The following MACF1 variants were observed in gnomAD, a reference collection of about 807,000 sequenced individuals.
MACF1 encodes the protein microtubule actin crosslinking factor 1.
A neutral mutation model predicts 854.8 loss-of-function variants in MACF1; 193 were observed. That is an observed-to-expected ratio of 0.23 (90% CI 0.20 to 0.25). MACF1 has a LOEUF of 0.25. Among genes scored for constraint, MACF1 ranks in the 10% least tolerant of loss-of-function variants. The pLI is 1.00. For synonymous variants in MACF1, 3,185 were observed against 3,226.7 expected (o/e 0.99, Z 0.44); for missense variants, 7,722 against 8,929.1 (o/e 0.86, Z 5.45).
At chr1:39,479,237 C>T in intron 97 of MACF1, among the ~76,000 whole-genome samples, 1 of 152,130 alleles carries the variant, frequency 6.6e-6, no homozygotes, top group East Asian at 1.9e-4. Flanking sequence ...TTTCTCTCTC[C>T]CCACCGACAT....
At chr1:39,114,680 A>T (rs533932518) in intron 2 of MACF1, among the ~76,000 whole-genome samples, 3 of 152,346 alleles carry the variant, frequency 2.0e-5, no homozygotes, top group African/African-American at 7.2e-5. Context: ...ATGTGCTGAG[A>T]AGACAAAGAT....
chr1:39,323,243 G>A (rs1423561603), intron 33 of MACF1, among the ~76,000 whole-genome samples: 2 of 152,090 alleles, frequency 1.3e-5, no homozygotes, highest in Non-Finnish European at 2.9e-5. Context: ...TTGGGAGGCT[G>A]AGGTGGAAGG....
At chr1:39,138,546 C>T (rs1330412079) in intron 2 of MACF1, among the ~76,000 whole-genome samples, 1 of 150,752 alleles carries the variant, frequency 6.6e-6, no homozygotes, top group Non-Finnish European at 1.5e-5. Flanking sequence ...GATCGCGCCA[C>T]TGCACTCCAG....
intron 77 of MACF1, 33 bp from the exon 78 acceptor site, chr1:39,442,681 T>C (rs758279232): frequency 7.4e-6 from 12 of 1,611,652 alleles, no homozygotes; most frequent in African/African-American, 4.0e-5. Flanking sequence ...ATGATATCCA[T>C]AGAGATAAAT....
chr1:39,280,128 C>T (rs1399329422), intron 6 of MACF1, among the ~76,000 whole-genome samples: 1 of 152,012 alleles, frequency 6.6e-6, no homozygotes, highest in Non-Finnish European at 1.5e-5. Context: ...GAACTCCTGA[C>T]CTCAGGTGAT....
At chr1:39,303,130 T>C in intron 23 of MACF1, 52 bp downstream of exon 23, 1 of 1,593,926 alleles carries the variant, frequency 6.3e-7, no homozygotes, top group East Asian at 2.2e-5. Flanking sequence ...TTGGCCTCGG[T>C]GAACCAGTGG....
intron 38 of MACF1, among the ~76,000 whole-genome samples, chr1:39,338,195 T>C (rs1646858682): frequency 6.6e-6 from 1 of 152,010 alleles, no homozygotes; most frequent in East Asian, 1.9e-4. Context: ...AGATTAGATA[T>C]GTAAGTTAAT....
chr1:39,277,141 AG>A (rs1169279473), intron 6 of MACF1, among the ~76,000 whole-genome samples: 1 of 126,396 alleles, frequency 7.9e-6, no homozygotes, highest in Non-Finnish European at 1.7e-5. Context: ...AAATAAACAC[AG>A]CAGAATGAAT....
chr1:39,168,078 G>A (rs1160578406), intron 2 of MACF1, among the ~76,000 whole-genome samples: 2 of 152,132 alleles, frequency 1.3e-5, no homozygotes, highest in East Asian at 3.9e-4. Context: ...TAGCTGAAGA[G>A]TAGTGACCCA....
chr1:39,453,628 T>G lies in MACF1; in HGVS notation c.20743-79T>G, dbSNP rs191666750. The G allele has an allele frequency of 1.2e-3, 1,561 of 1,261,538 alleles. 13 individuals carry two copies. Among genetic ancestry groups the G allele is most frequent in the Non-Finnish European group, 3.2e-4 (282 of 870,564 alleles). 78.1% of individuals were successfully genotyped at this position (1,261,538 alleles called of 1,614,324 possible). ...TGGAGGAAAAAGAAAACATTGAAAT[T>G]TATCCCCCCTCAGTGTAAACTAACA... On this transcript the variant is annotated intron_variant, in intron 87 of 100. Transcript: ENST00000564288.
intron 21 of MACF1, chr1:39,298,778 C>G (rs990983851): frequency 2.4e-5 from 9 of 370,274 alleles, no homozygotes; most frequent in Non-Finnish European, 2.6e-5. Context: ...TAAAATGTCT[C>G]TCTCAGAGGT....
intron 36 of MACF1, 130 bp from the exon 37 acceptor site, chr1:39,331,073 A>G: frequency 7.6e-7 from 1 of 1,311,300 alleles, no homozygotes; most frequent in Non-Finnish European, 1.0e-6. Flanking sequence ...GGCGTGAGCC[A>G]CTGTGCCTGG....
At chr1:39,476,344 G>A (rs1433338757) in intron 97 of MACF1, among the ~76,000 whole-genome samples, 1 of 152,182 alleles carries the variant, frequency 6.6e-6, no homozygotes, top group Non-Finnish European at 1.5e-5. Context: ...GCCGAGGCGG[G>A]CAGATCACGA....
At chr1:39,359,864 G>A (rs1245962783) in intron 47 of MACF1, among the ~76,000 whole-genome samples, 5 of 149,998 alleles carry the variant, frequency 3.3e-5, no homozygotes, top group South Asian at 2.1e-4. Flanking sequence ...GCAGGCGCCT[G>A]TAATCCCAGC....
rs899455324 is a variant in MACF1, at chr1:39,193,779, TAA to T, written c.221-37402_221-37401del. Reference sequence around the variant, plus strand: ...TCACAAATTATATTTACAGCCCTGGTAAGAGAGAGAGGGAGAGAGAGAGAGAG... The same window carrying T: ...TCACAAATTATATTTACAGCCCTGGTGAGAGAGAGGGAGAGAGAGAGAGAG... On this transcript the variant is annotated intron_variant, in intron 2 of 93. Transcript: ENST00000361689. Among the ~76,000 whole-genome samples, 8 of 152,106 alleles carry T rather than the reference TAA, an allele frequency of 5.3e-5. No homozygotes were observed. In the South Asian group the frequency reaches 8.3e-4, roughly 16 times the overall value.
At chr1:39,438,520 C>G (rs1386124384) in intron 71 of MACF1, among the ~76,000 whole-genome samples, 1 of 152,242 alleles carries the variant, frequency 6.6e-6, no homozygotes, top group African/African-American at 2.4e-5. Context: ...CGCAGTGGCT[C>G]ATGCCTATAA....
chr1:39,171,213 G>A (rs1233621848), intron 2 of MACF1, among the ~76,000 whole-genome samples: 1 of 151,602 alleles, frequency 6.6e-6, no homozygotes, highest in Non-Finnish European at 1.5e-5. Context: ...TTGTGTGTGT[G>A]TGTGTGTGTG....
At chr1:39,384,492 G>A (rs571913766) in intron 56 of MACF1, among the ~76,000 whole-genome samples, 4 of 152,168 alleles carry the variant, frequency 2.6e-5, no homozygotes, top group Admixed American at 1.3e-4. Context: ...ATGAAATCTT[G>A]CCTAAGGTCA....
intron 41 of MACF1, 144 bp from the exon 42 acceptor site, chr1:39,349,334 T>A: frequency 1.4e-6 from 1 of 732,454 alleles, no homozygotes; most frequent in Non-Finnish European, 2.2e-6. Flanking sequence ...CCGAATATGA[T>A]TTCTATGTCT....
Sources: allele counts gnomAD v4.1 joint callset (sites outside exome capture counted in the v4.1 genomes callset), GRCh38; gene constraint gnomAD v4.1.1; transcripts MANE v1.5; gene names NCBI Gene and HGNC (gene_info 2026-07-23, HGNC 2026-07-21).